SKAP1: variants seen among roughly 807,000 people sequenced by gnomAD.
SKAP1 encodes the protein src kinase-associated phosphoprotein 1.
In SKAP1, 44 loss-of-function variants were observed where a neutral mutation model predicts 58.5. That is an observed-to-expected ratio of 0.75 (90% confidence interval 0.59 to 0.97). The LOEUF is 0.97. Among genes scored for constraint, SKAP1 ranks in the 50% least tolerant of loss-of-function variants. The pLI is 0.00. For synonymous variants in SKAP1, 127 were observed against 149.7 expected (o/e 0.85, Z 1.11); for missense variants, 390 against 435.2 (o/e 0.90, Z 0.92).
intron 9 of SKAP1, among the ~76,000 whole-genome samples, chr17:48,178,132 C>G (rs776797229): frequency 6.6e-6 from 1 of 152,040 alleles, no homozygotes; most frequent in African/African-American, 2.4e-5. Flanking sequence ...CATTAGGAAG[C>G]CAATCATACC....
chr17:48,332,304 A>G (rs750601331), intron 4 of SKAP1, among the ~76,000 whole-genome samples: 4 of 152,212 alleles, frequency 2.6e-5, no homozygotes, highest in Non-Finnish European at 1.5e-5. Flanking sequence ...CTTACTTTTT[A>G]TAATTTCTTT....
At chr17:48,161,101 G>A (rs755723681) in intron 11 of SKAP1, among the ~76,000 whole-genome samples, 36 of 152,168 alleles carry the variant, frequency 2.4e-4, no homozygotes, top group Non-Finnish European at 4.9e-4. Flanking sequence ...CATATTTAAA[G>A]GGGCCTGATT....
At chr17:48,221,605 A>C (rs2065007406) in intron 4 of SKAP1, among the ~76,000 whole-genome samples, 1 of 152,214 alleles carries the variant, frequency 6.6e-6, no homozygotes, top group Non-Finnish European at 1.5e-5. Context: ...CATTATATCA[A>C]ATGTTTTATA....
chr17:48,175,292 A>G (rs969402187), intron 9 of SKAP1, among the ~76,000 whole-genome samples: 2 of 152,378 alleles, frequency 1.3e-5, no homozygotes, highest in South Asian at 2.1e-4. Flanking sequence ...AAAAATGCCA[A>G]CTGTGTAAAT....
At chr17:48,151,326 A>C (rs1049586395) in intron 11 of SKAP1, among the ~76,000 whole-genome samples, 20 of 152,242 alleles carry the variant, frequency 1.3e-4, no homozygotes, top group African/African-American at 4.8e-4. Context: ...TCAGAATTAA[A>C]GTGTTACTTA....
At chr17:48,205,337 C>T (rs1289128848) in intron 4 of SKAP1, among the ~76,000 whole-genome samples, 1 of 151,980 alleles carries the variant, frequency 6.6e-6, no homozygotes, top group Non-Finnish European at 1.5e-5. Flanking sequence ...TCTAGAACTC[C>T]TGGGCTCAAG....
At chr17:48,429,019 A>G (rs1009640429) in intron 1 of SKAP1, among the ~76,000 whole-genome samples, 1 of 152,234 alleles carries the variant, frequency 6.6e-6, no homozygotes, top group African/African-American at 2.4e-5. Context: ...ATTAGGAGGC[A>G]TTTATACCGA....
At chr17:48,182,561 T>C in intron 7 of SKAP1, 104 bp from the exon 8 acceptor site, 1 of 768,910 alleles carries the variant, frequency 1.3e-6, no homozygotes, top group South Asian at 1.7e-5. Context: ...AGAGTCAAGT[T>C]TAAAGCTCAG....
intron 4 of SKAP1, among the ~76,000 whole-genome samples, chr17:48,329,047 C>CA (rs1350719362): frequency 6.6e-6 from 1 of 152,212 alleles, no homozygotes; most frequent in Non-Finnish European, 1.5e-5. Flanking sequence ...CTTCCAGCCA[C>CA]ATTTCAAGTG....
intron 2 of SKAP1, among the ~76,000 whole-genome samples, chr17:48,381,482 T>C (rs1007544077): frequency 6.6e-6 from 1 of 152,214 alleles, no homozygotes; most frequent in Non-Finnish European, 1.5e-5. Flanking sequence ...TGCCAACTCA[T>C]CCATGAAGGC....
At chr17:48,245,648 A>T (rs185110769) in intron 4 of SKAP1, among the ~76,000 whole-genome samples, 1 of 152,216 alleles carries the variant, frequency 6.6e-6, no homozygotes, top group Admixed American at 6.5e-5. Flanking sequence ...AAGTTACTTA[A>T]CCTCTCTGTG....
At position 48,184,716 on chromosome 17, in the gene SKAP1, G is replaced by A. The variant is rs751345950; in HGVS notation, c.567+7C>T. ...AGAAGGATCACCATCTCCTTGATGC[G>A]TCCTACCTCATAGCTGCGCCTATCC... On this transcript the variant is annotated splice_region_variant and intron_variant, in intron 7 of 12. Coordinates refer to ENST00000336915, the MANE Select transcript of SKAP1 (RefSeq NM_003726.4). The A allele has an allele frequency of 5.4e-5, 87 of 1,613,810 alleles. No homozygotes were observed. Among genetic ancestry groups the A allele is most frequent in the Non-Finnish European group, 6.0e-5 (71 of 1,179,904 alleles).
chr17:48,339,662 A>G (rs2066621419), intron 4 of SKAP1, among the ~76,000 whole-genome samples: 1 of 152,180 alleles, frequency 6.6e-6, no homozygotes, highest in Non-Finnish European at 1.5e-5. Context: ...ATTTTACTCC[A>G]AAGTTGTCAG....
chr17:48,398,519 G>A lies in SKAP1; in HGVS notation c.47-1734C>T, dbSNP rs571919550. Among the ~76,000 whole-genome samples the A allele has an allele frequency of 2.7e-4, 41 of 151,824 alleles. No homozygotes were observed. The South Asian group carries it at 4.4e-3, about 16-fold the overall frequency. On this transcript the variant is annotated intron_variant, in intron 1 of 12. Coordinates refer to ENST00000336915, the MANE Select transcript of SKAP1 (RefSeq NM_003726.4). ...ATAAATCTAATGCTCTTTAATCATCGCCAAACCATCCCCCCACCCCCGGTC... is the reference window on the plus strand; with the variant it reads ...ATAAATCTAATGCTCTTTAATCATCACCAAACCATCCCCCCACCCCCGGTC...
chr17:48,408,975 C>T (rs1460422018), intron 1 of SKAP1, among the ~76,000 whole-genome samples: 2 of 152,182 alleles, frequency 1.3e-5, no homozygotes, highest in Non-Finnish European at 2.9e-5. Flanking sequence ...ACCAAGCTCC[C>T]CATCAACCTG....
intron 11 of SKAP1, among the ~76,000 whole-genome samples, chr17:48,138,026 A>G (rs1320033396): frequency 1.3e-5 from 2 of 152,210 alleles, no homozygotes; most frequent in Non-Finnish European, 2.9e-5. Context: ...TTTCCCTAGA[A>G]CAGGTGAGAG....
At chr17:48,246,051 G>A (rs561680829) in intron 4 of SKAP1, among the ~76,000 whole-genome samples, 1 of 152,112 alleles carries the variant, frequency 6.6e-6, no homozygotes, top group African/African-American at 2.4e-5. Context: ...CTTTCTCAAC[G>A]GGTTGCTATA....
At chr17:48,430,969 T>G (rs2067910686), upstream of SKAP1, among the ~76,000 whole-genome samples, 1 of 152,194 alleles carries the variant, frequency 6.6e-6, no homozygotes, top group African/African-American at 2.4e-5. Context: ...ACTGTAATAG[T>G]GCCAGATGTT....
At chr17:48,305,848 T>C (rs1436590660) in intron 4 of SKAP1, among the ~76,000 whole-genome samples, 1 of 152,240 alleles carries the variant, frequency 6.6e-6, no homozygotes. Flanking sequence ...GCTTACATTA[T>C]ATTGCCTTTT....
Sources: gnomAD v4.1 joint callset for allele counts (sites outside exome capture counted in the v4.1 genomes callset) on GRCh38, gnomAD v4.1.1 for gene constraint, MANE v1.5 for transcripts, NCBI Gene and HGNC (gene_info 2026-07-23, HGNC 2026-07-21) for gene names.